Variants in LRIG1 observed in about 807,000 individuals in gnomAD.
The protein encoded by LRIG1 is leucine-rich repeats and immunoglobulin-like domains protein 1.
LRIG1 carries 48 observed loss-of-function variants against 99.2 expected under a neutral mutation model. The observed-to-expected ratio is 0.48, with a 90% CI of 0.38 to 0.62. The LOEUF (loss-of-function observed/expected upper bound fraction) is 0.62, where lower values mean the gene tolerates loss of function less well. Ranked by LOEUF, LRIG1 falls within the 20% of genes least tolerant of loss-of-function variation. The pLI, the probability that LRIG1 is intolerant of heterozygous loss-of-function variation, is 0.00. For missense variants in LRIG1, 1,646 were observed against 1,434.4 expected (o/e 1.15, Z -2.38); for synonymous variants, 772 against 596.1 (o/e 1.29, Z -4.30).
At chr3:66,400,703 C>A (rs1337000225) in intron 9 of LRIG1, among the ~76,000 whole-genome samples, 1 of 152,182 alleles carries the variant, frequency 6.6e-6, no homozygotes, top group African/African-American at 2.4e-5. Context: ...TAAGGGAAAA[C>A]AAGAAGCCCC....
chr3:66,406,162 G>A (rs951187157), intron 8 of LRIG1: 9 of 985,394 alleles, frequency 9.1e-6, no homozygotes, highest in Non-Finnish European at 1.1e-5. Flanking sequence ...TCTGACTGAA[G>A]AGTGAAATGC....
At position 66,384,173 on chromosome 3, in the gene LRIG1, A is replaced by G; in HGVS notation, c.1889T>C (p.Ile630Thr). 1 of 1,614,050 alleles carries G rather than the reference A, an allele frequency of 6.2e-7. No individual in the cohort carries two copies. Among genetic ancestry groups the G allele is most frequent in the Non-Finnish European group, 8.5e-7 (1 of 1,180,008 alleles). Residue 630 changes from isoleucine to threonine, a missense_variant, in exon 14 of 19, where the codon ATT (isoleucine) becomes ACT (threonine). Ile to Thr is a moderately conservative substitution (Grantham distance 89). Transcript: ENST00000273261. ...CGTGCCTCCATCCTTCTGCCAGGCA[A>G]TCTGAGGGTTTGGGTGACCTGTGGC... is the stretch of plus-strand genomic sequence containing the variant. ...CAATGHPNPQ[I>T]AWQKDGGTDF... is the part of the protein sequence containing the mutation.
chr3:66,443,095 T>C (rs181228512), intron 3 of LRIG1, among the ~76,000 whole-genome samples: 1 of 152,214 alleles, frequency 6.6e-6, no homozygotes, highest in African/African-American at 2.4e-5. Flanking sequence ...TGGGGGCAAG[T>C]GGCAGTCTGC....
At chr3:66,458,262 T>C (rs1293518029) in intron 2 of LRIG1, among the ~76,000 whole-genome samples, 1 of 152,216 alleles carries the variant, frequency 6.6e-6, no homozygotes, top group Non-Finnish European at 1.5e-5. Flanking sequence ...ACTACAGGCA[T>C]GGGCCACTAT....
chr3:66,464,043 G>T (rs13089753), intron 1 of LRIG1, among the ~76,000 whole-genome samples: 15,967 of 152,146 alleles, frequency 0.1, 1,398 homozygotes, highest in Admixed American at 0.22. Context: ...TTGTTAATGG[G>T]TACCCAGAAA....
At chr3:66,381,334 G>C (rs915652347) in intron 17 of LRIG1, 145 bp downstream of exon 17, 3 of 679,958 alleles carry the variant, frequency 4.4e-6, no homozygotes, top group Non-Finnish European at 7.3e-6. Flanking sequence ...AGAGAGCCAG[G>C]CCTGAGCTTC....
At chr3:66,402,383 C>G (rs1416051446) in intron 9 of LRIG1, among the ~76,000 whole-genome samples, 2 of 150,896 alleles carry the variant, frequency 1.3e-5, no homozygotes, top group Admixed American at 6.6e-5. Flanking sequence ...CATTCCCACC[C>G]TGCTGGGAAG....
chr3:66,384,457 G>C (rs1272922691), intron 13 of LRIG1, among the ~76,000 whole-genome samples, 185 bp from the exon 14 acceptor site: 3 of 152,130 alleles, frequency 2.0e-5, no homozygotes, highest in Admixed American at 6.5e-5. Context: ...ACCACAGTTG[G>C]AACACTTCCA....
chr3:66,486,336 C>T (rs1700974157), intron 1 of LRIG1, among the ~76,000 whole-genome samples: 1 of 152,128 alleles, frequency 6.6e-6, no homozygotes, highest in Admixed American at 6.5e-5. Flanking sequence ...GCCAAGGTCA[C>T]CCAGGCAGCC....
intron 2 of LRIG1, among the ~76,000 whole-genome samples, chr3:66,454,368 T>C (rs1575704270): frequency 6.6e-6 from 1 of 152,288 alleles, no homozygotes; most frequent in African/African-American, 2.4e-5. Flanking sequence ...ATAGCACAGC[T>C]ACAGCTTTGA....
chr3:66,410,171 A>G lies in LRIG1; in HGVS notation c.893T>C (p.Ile298Thr). ...LHLSNNSIAR[I>T]HRKGWSFCQK... Reference sequence around the variant, plus strand: ...GCAGAAGCTCCAGCCCTTGCGGTGAATGCGAGCGATGGAATTGTTGCTGAG... The same window carrying G: ...GCAGAAGCTCCAGCCCTTGCGGTGAGTGCGAGCGATGGAATTGTTGCTGAG... The change falls in exon 7 of 19, where the codon ATT becomes ACT. Residue 298 changes from isoleucine (I) to threonine (T), a missense_variant. Coordinates refer to ENST00000273261, the MANE Select transcript of LRIG1 (RefSeq NM_015541.3). 1 of 1,614,146 alleles carries G rather than the reference A, an allele frequency of 6.2e-7. No individual in the cohort carries two copies. The highest frequency in any genetic ancestry group is 8.5e-7 in the Non-Finnish European group (1 of 1,179,956).
At chr3:66,408,964 T>TGGGGGGG (rs1424793540) in intron 7 of LRIG1, among the ~76,000 whole-genome samples, 2 of 17,310 alleles carry the variant, frequency 1.2e-4, no homozygotes, top group Non-Finnish European at 2.1e-4. Context: ...GTGTGTGTGG[T>TGGGGGGG]GGGGGGAGGG....
intron 1 of LRIG1, among the ~76,000 whole-genome samples, chr3:66,490,157 G>C (rs2106921521): frequency 6.6e-6 from 1 of 152,200 alleles, no homozygotes; most frequent in Non-Finnish European, 1.5e-5. Flanking sequence ...CCCTGGATAA[G>C]GCCAAACCAC....
chr3:66,461,342 A>T (rs1255156380), intron 2 of LRIG1, among the ~76,000 whole-genome samples: 2 of 152,138 alleles, frequency 1.3e-5, no homozygotes, highest in Non-Finnish European at 2.9e-5. Context: ...AACAAATAAG[A>T]CTTTTATCAG....
intron 1 of LRIG1, among the ~76,000 whole-genome samples, chr3:66,497,424 T>C (rs1181933721): frequency 6.6e-6 from 1 of 152,098 alleles, no homozygotes; most frequent in Non-Finnish European, 1.5e-5. Flanking sequence ...TTCTGGGAAG[T>C]TGGAATAAGG....
chr3:66,390,406 A>G (rs1084645), intron 12 of LRIG1, among the ~76,000 whole-genome samples: 11,491 of 152,278 alleles, frequency 0.075, 588 homozygotes, highest in African/African-American at 0.15. Context: ...AATACCTTTA[A>G]CAGTAGTTGA....
chr3:66,392,413 T>C (rs1559772754), intron 12 of LRIG1, among the ~76,000 whole-genome samples: 1 of 152,188 alleles, frequency 6.6e-6, no homozygotes, highest in East Asian at 1.9e-4. Flanking sequence ...CCACCAGCAG[T>C]GTAGGAGGGT....
chr3:66,470,237 C>T (rs777416734), intron 1 of LRIG1, among the ~76,000 whole-genome samples: 2 of 152,168 alleles, frequency 1.3e-5, no homozygotes, highest in Admixed American at 6.5e-5. Context: ...CTTTATTCAC[C>T]GGCAGTATCT....
chr3:66,433,626 A>G (rs1159375292), intron 3 of LRIG1, among the ~76,000 whole-genome samples: 1 of 152,208 alleles, frequency 6.6e-6, no homozygotes, highest in East Asian at 1.9e-4. Flanking sequence ...TGATCTCCCA[A>G]TCATACGATT....
Sources: gnomAD v4.1 joint callset for allele counts (sites outside exome capture counted in the v4.1 genomes callset) on GRCh38, gnomAD v4.1.1 for gene constraint, MANE v1.5 for transcripts, NCBI Gene and HGNC (gene_info 2026-07-23, HGNC 2026-07-21) for gene names.